Variants in RBFOX1 observed in about 807,000 individuals in gnomAD.
RBFOX1 encodes the protein RNA binding protein fox-1 homolog 1.
In RBFOX1, 8 loss-of-function variants were observed where a neutral mutation model predicts 57.7. The ratio of observed to expected loss-of-function variants is 0.14; its 90% CI spans 0.08 to 0.25. The LOEUF is 0.25. Among genes scored for constraint, RBFOX1 ranks in the 10% least tolerant of loss-of-function variants. The probability of loss-of-function intolerance (pLI) is 1.00; values close to 1 mark genes in which losing one functional copy is unlikely to be tolerated. For missense variants in RBFOX1, 611 were observed against 548.5 expected, an observed-to-expected ratio of 1.11 and a Z score of -1.14; for synonymous variants, 326 against 222.4, an observed-to-expected ratio of 1.47 and a Z score of -4.15.
intron 3 of RBFOX1, among the ~76,000 whole-genome samples, chr16:5,721,324 T>C (rs2051924553): frequency 6.6e-6 from 1 of 152,234 alleles, no homozygotes; most frequent in Non-Finnish European, 1.5e-5. Flanking sequence ...GCTGAATTTA[T>C]TGGTTTTAAT....
intron 1 of RBFOX1, among the ~76,000 whole-genome samples, chr16:6,061,433 C>T (rs943396242): frequency 6.6e-6 from 1 of 151,640 alleles, no homozygotes; most frequent in Admixed American, 6.6e-5. Context: ...TGTTATATAT[C>T]TATATTGTAT....
At chr16:6,827,416 A>T (rs2092292272) in intron 3 of RBFOX1, among the ~76,000 whole-genome samples, 1 of 151,886 alleles carries the variant, frequency 6.6e-6, no homozygotes. Context: ...GCTTATAGGG[A>T]AGGAAGAGAA....
chr16:6,563,597 A>T (rs188434000), intron 2 of RBFOX1, among the ~76,000 whole-genome samples: 61 of 152,248 alleles, frequency 4.0e-4, no homozygotes, highest in African/African-American at 1.4e-3. Context: ...TACTTCCAGC[A>T]CTTTGCGAGG....
At chr16:6,797,616 A>G (rs2084386195) in intron 3 of RBFOX1, among the ~76,000 whole-genome samples, 1 of 152,182 alleles carries the variant, frequency 6.6e-6, no homozygotes, top group Admixed American at 6.5e-5. Context: ...ACCAGCATTA[A>G]CAATAGCATA....
intron 1 of RBFOX1, among the ~76,000 whole-genome samples, chr16:6,161,870 AG>A (rs2152746085): frequency 6.6e-6 from 1 of 152,330 alleles, no homozygotes; most frequent in East Asian, 1.9e-4. Context: ...ACAAACTTTG[AG>A]TAGGTTGAAC....
chr16:7,456,847 G>A (rs2058613335), intron 4 of RBFOX1, among the ~76,000 whole-genome samples: 1 of 152,084 alleles, frequency 6.6e-6, no homozygotes, highest in Non-Finnish European at 1.5e-5. Flanking sequence ...TCAGCTTGGA[G>A]GAAAGGGCAT....
chr16:5,547,239 T>C (rs2045246821), intron 2 of RBFOX1, among the ~76,000 whole-genome samples: 1 of 152,200 alleles, frequency 6.6e-6, no homozygotes, highest in African/African-American at 2.4e-5. Context: ...ATCTAGCCAT[T>C]TCATGTCTAG....
intron 1 of RBFOX1, among the ~76,000 whole-genome samples, chr16:5,339,941 C>G (rs1397741270): frequency 6.6e-6 from 1 of 152,070 alleles, no homozygotes; most frequent in African/African-American, 2.4e-5. Context: ...GGAGTCCCAT[C>G]AGTCTGAGGC....
intron 4 of RBFOX1, among the ~76,000 whole-genome samples, chr16:5,950,590 C>G (rs183649217): frequency 8.2e-4 from 125 of 152,204 alleles, no homozygotes; most frequent in African/African-American, 2.8e-3. Flanking sequence ...TGCTATTCTT[C>G]TTTTTGATGC....
chr16:5,534,429 A>G (rs1430615278), intron 2 of RBFOX1, among the ~76,000 whole-genome samples: 1 of 152,196 alleles, frequency 6.6e-6, no homozygotes, highest in African/African-American at 2.4e-5. Context: ...AAAAGCATGG[A>G]AGCCAACACT....
intron 4 of RBFOX1, among the ~76,000 whole-genome samples, chr16:7,402,397 A>C (rs1030911632): frequency 6.6e-6 from 1 of 152,216 alleles, no homozygotes; most frequent in Non-Finnish European, 1.5e-5. Context: ...TTCTATACAA[A>C]GGAATATCAT....
At position 7,030,072 on chromosome 16, in the gene RBFOX1, A is replaced by T. The variant is rs376767123; in HGVS notation, c.-15-21985A>T. Among the ~76,000 whole-genome samples, 288 of 131,816 alleles carry T rather than the reference A, an allele frequency of 2.2e-3. 2 individuals are homozygous for T. The highest frequency in any genetic ancestry group is 7.6e-3 in the African/African-American group (266 of 34,902). 86.5% of individuals were successfully genotyped at this position (131,816 alleles called of 152,430 possible). The stretch of plus-strand genomic sequence containing the variant: ...TAGTCAGAAAAGTATGTGGGAAAGT[A>T]AAACATTATTACAAATTGGTGCCAA... On this transcript the variant is annotated intron_variant, in intron 3 of 15. Coordinates refer to ENST00000550418, the MANE Select transcript of RBFOX1 (RefSeq NM_018723.4).
intron 2 of RBFOX1, among the ~76,000 whole-genome samples, chr16:5,516,209 A>G (rs2043786811): frequency 6.6e-6 from 1 of 152,204 alleles, no homozygotes; most frequent in Admixed American, 6.5e-5. Context: ...AGGCTGTAAA[A>G]TCAGATCAAC....
At chr16:7,418,774 G>GTCTCTATCCCCA (rs71147695) in intron 4 of RBFOX1, among the ~76,000 whole-genome samples, 1 of 151,544 alleles carries the variant, frequency 6.6e-6, no homozygotes. Flanking sequence ...CTGTGTCTGT[G>GTCTCTATCCCCA]TCTCTATCTC....
At chr16:7,357,637 G>A (rs2097242841) in intron 4 of RBFOX1, among the ~76,000 whole-genome samples, 1 of 152,066 alleles carries the variant, frequency 6.6e-6, no homozygotes, top group Admixed American at 6.6e-5. Context: ...CCTTGTTTCT[G>A]AGCCATTTTC....
chr16:6,987,844 G>T (rs1438510926), intron 3 of RBFOX1, among the ~76,000 whole-genome samples: 8 of 152,142 alleles, frequency 5.3e-5, no homozygotes, highest in Admixed American at 4.6e-4. Context: ...AGAAATCCAG[G>T]TTTATTGGGA....
chr16:6,136,372 G>C (rs2152689696), intron 1 of RBFOX1, among the ~76,000 whole-genome samples: 1 of 152,218 alleles, frequency 6.6e-6, no homozygotes, highest in Non-Finnish European at 1.5e-5. Context: ...CCAGATACGT[G>C]TGAGCCATAT....
chr16:7,461,421 C>G (rs935008959), intron 4 of RBFOX1, among the ~76,000 whole-genome samples: 2 of 152,126 alleles, frequency 1.3e-5, no homozygotes, highest in Non-Finnish European at 2.9e-5. Context: ...TCACCTTAGC[C>G]TCCCAAAGTG....
At chr16:6,298,174 A>AT (rs1393605119) in intron 1 of RBFOX1, among the ~76,000 whole-genome samples, 1 of 152,174 alleles carries the variant, frequency 6.6e-6, no homozygotes, top group East Asian at 1.9e-4. Flanking sequence ...CACCTCCTGT[A>AT]AGGGGTTTGA....
Sources: allele counts gnomAD v4.1 joint callset (sites outside exome capture counted in the v4.1 genomes callset), GRCh38; gene constraint gnomAD v4.1.1; transcripts MANE v1.5; gene names NCBI Gene and HGNC (gene_info 2026-07-23, HGNC 2026-07-21).